Variants in SYNPR observed in about 807,000 individuals in gnomAD.
The protein encoded by SYNPR is synaptoporin.
A neutral mutation model predicts 32.9 loss-of-function variants in SYNPR; 23 were observed. That is an observed-to-expected ratio of 0.70 (90% CI 0.50 to 0.99). SYNPR has a LOEUF of 0.99. SYNPR is among the 50% of genes least tolerant of loss of function. The pLI, the probability that SYNPR is intolerant of heterozygous loss-of-function variation, is 0.00. For missense variants in SYNPR, 318 were observed against 349.3 expected, an observed-to-expected ratio of 0.91 and a Z score of 0.71; for synonymous variants, 146 against 135.9, an observed-to-expected ratio of 1.07 and a Z score of -0.52.
rs1199657160 is a variant in SYNPR, at chr3:63,414,021, T to TAG, written c.85-66810_85-66809insGA. Among the ~76,000 whole-genome samples the TAG allele has an allele frequency of 5.6e-4, 83 of 148,736 alleles. 2 individuals carry two copies. In the East Asian group the frequency reaches 0.012, roughly 21 times the overall value. On this transcript the variant is annotated intron_variant, in intron 2 of 5. Coordinates refer to ENST00000478300, the MANE Select transcript of SYNPR (RefSeq NM_001130003.2). ...ATAAATATATATACATATATATATA[T>TAG]ATAGAGAGAGAGAGAGACAGAGAGG...
At chr3:63,472,862 G>C (rs1334889031) in intron 2 of SYNPR, among the ~76,000 whole-genome samples, 1 of 152,082 alleles carries the variant, frequency 6.6e-6, no homozygotes, top group African/African-American at 2.4e-5. Flanking sequence ...GAGTCAGATA[G>C]TAAATATGTT....
intron 4 of SYNPR, among the ~76,000 whole-genome samples, chr3:63,567,898 T>G (rs1425410846): frequency 6.6e-6 from 1 of 152,180 alleles, no homozygotes; most frequent in African/African-American, 2.4e-5. Context: ...CTAAGAAACA[T>G]CTAATCAATT....
At chr3:63,350,721 C>T (rs1180433247) in intron 2 of SYNPR, among the ~76,000 whole-genome samples, 1 of 152,204 alleles carries the variant, frequency 6.6e-6, no homozygotes, top group Non-Finnish European at 1.5e-5. Context: ...GACACTTGCA[C>T]TTGCTATGGA....
chr3:63,531,071 C>A (rs1702104608), intron 3 of SYNPR, among the ~76,000 whole-genome samples: 1 of 151,724 alleles, frequency 6.6e-6, no homozygotes, highest in Non-Finnish European at 1.5e-5. Flanking sequence ...TGCTGAAAGC[C>A]CTACAGAGCC....
intron 3 of SYNPR, among the ~76,000 whole-genome samples, chr3:63,271,173 T>C (rs1002089265): frequency 1.3e-5 from 2 of 152,138 alleles, no homozygotes; most frequent in African/African-American, 4.8e-5. Flanking sequence ...AAAACTGCAG[T>C]GCAATATAAT....
chr3:63,551,599 T>C (rs1037512516), intron 3 of SYNPR, among the ~76,000 whole-genome samples: 1 of 152,224 alleles, frequency 6.6e-6, no homozygotes, highest in South Asian at 2.1e-4. Context: ...TCCAATCTTA[T>C]ACTCTTTCTT....
At chr3:63,477,616 T>C (rs1031296108) in intron 2 of SYNPR, among the ~76,000 whole-genome samples, 7 of 152,160 alleles carry the variant, frequency 4.6e-5, no homozygotes, top group African/African-American at 1.7e-4. Flanking sequence ...TCAGCTCGTC[T>C]AAGCAGCTGG....
At chr3:63,543,635 A>G (rs1436864736) in intron 3 of SYNPR, among the ~76,000 whole-genome samples, 1 of 152,102 alleles carries the variant, frequency 6.6e-6, no homozygotes, top group Non-Finnish European at 1.5e-5. Flanking sequence ...CATTGACCTC[A>G]TTAAAAAGTC....
chr3:63,593,425 TC>T (rs1485206911), intron 4 of SYNPR, among the ~76,000 whole-genome samples: 1 of 152,126 alleles, frequency 6.6e-6, no homozygotes, highest in African/African-American at 2.4e-5. Flanking sequence ...AATACCTCCC[TC>T]TTGCACCAAG....
intron 3 of SYNPR, among the ~76,000 whole-genome samples, chr3:63,484,035 G>A (rs1701097355): frequency 6.6e-6 from 1 of 152,120 alleles, no homozygotes; most frequent in Non-Finnish European, 1.5e-5. Flanking sequence ...CCAGTTATCA[G>A]ACACATATTT....
In SYNPR at chr3:63,585,449, G is replaced by GCCC. The variant is rs141942203; in HGVS notation, c.409-23669_409-23667dup. Among the ~76,000 whole-genome samples the GCCC allele has an allele frequency of 5.8e-3, 631 of 109,486 alleles. 4 individuals carry two copies. The highest frequency in any genetic ancestry group is 0.021 in the African/African-American group (590 of 27,612). 71.8% of individuals were successfully genotyped at this position (109,486 alleles called of 152,430 possible). A position where few individuals can be genotyped will look rare whatever the true frequency, so the allele number is the denominator to read the frequency against. On this transcript the variant is annotated intron_variant, in intron 4 of 5. Transcript: ENST00000478300. ...CACATGTTTCCTTCTGTATATCCAT[G>GCCC]CCCCCCCCCTCCGCCCCGCACCCAC... is the stretch of plus-strand genomic sequence containing the variant.
intron 1 of SYNPR, among the ~76,000 whole-genome samples, chr3:63,251,934 A>G (rs1372705401): frequency 1.3e-5 from 2 of 152,096 alleles, no homozygotes; most frequent in Non-Finnish European, 2.9e-5. Context: ...CAGGTTGAGT[A>G]AAAGAAAAAT....
At chr3:63,440,540 G>C (rs991471826) in intron 2 of SYNPR, among the ~76,000 whole-genome samples, 1 of 152,110 alleles carries the variant, frequency 6.6e-6, no homozygotes, top group Non-Finnish European at 1.5e-5. Context: ...ACAGGGAGGT[G>C]ACAGAAGGGT....
At chr3:63,561,379 C>T (rs1448410571) in intron 4 of SYNPR, 3 of 152,174 alleles carry the variant, frequency 2.0e-5, no homozygotes, top group African/African-American at 7.2e-5. Flanking sequence ...AACTCTCTCT[C>T]CCTGGTTGCA....
intron 2 of SYNPR, among the ~76,000 whole-genome samples, chr3:63,316,197 T>G (rs2087041850): frequency 6.6e-6 from 1 of 152,096 alleles, no homozygotes; most frequent in East Asian, 1.9e-4. Flanking sequence ...GTAATTTTCT[T>G]TTTTGGTTAT....
At chr3:63,357,367 C>T (rs1402190354) in intron 2 of SYNPR, among the ~76,000 whole-genome samples, 2 of 152,022 alleles carry the variant, frequency 1.3e-5, no homozygotes, top group African/African-American at 4.8e-5. Context: ...TAATCAATGT[C>T]CTGACATTCG....
At chr3:63,579,005 ATCT>A (rs1258981750) in intron 4 of SYNPR, among the ~76,000 whole-genome samples, 1 of 152,018 alleles carries the variant, frequency 6.6e-6, no homozygotes, top group Non-Finnish European at 1.5e-5. Context: ...CATTAAATCC[ATCT>A]TCTTATCTCT....
rs184437084 is a variant in SYNPR at position 63,364,111 on chromosome 3, C to T, written c.84+85369C>T. 2.0e-3 allele frequency among the ~76,000 whole-genome samples: 312 copies of T among 152,256 alleles called. 1 individual carries two copies. Among genetic ancestry groups the T allele is most frequent in the Non-Finnish European group, 3.6e-3 (244 of 68,006 alleles). ...CTTTCCTACACCAAACTCATGTTTT[C>T]TATTTATCCTGTCAAAGAGAGTGGC... On this transcript the variant is annotated intron_variant, in intron 2 of 5. Coordinates refer to ENST00000478300, the MANE Select transcript of SYNPR (RefSeq NM_001130003.2).
chr3:63,472,375 A>T (rs962538873), intron 2 of SYNPR, among the ~76,000 whole-genome samples: 13 of 152,178 alleles, frequency 8.5e-5, no homozygotes, highest in Non-Finnish European at 1.6e-4. Flanking sequence ...ATGAGGGGTT[A>T]TATTTCTACT....
Sources: gnomAD v4.1 joint callset for allele counts (sites outside exome capture counted in the v4.1 genomes callset) on GRCh38, gnomAD v4.1.1 for gene constraint, MANE v1.5 for transcripts, NCBI Gene and HGNC (gene_info 2026-07-23, HGNC 2026-07-21) for gene names.